EFNA5: variants seen among roughly 807,000 people sequenced by gnomAD.
EFNA5 encodes the protein ephrin A5.
A neutral mutation model predicts 22.9 loss-of-function variants in EFNA5; 5 were observed. The observed-to-expected ratio is 0.22, with a 90% confidence interval of 0.11 to 0.46. The LOEUF is 0.46. Among genes scored for constraint, EFNA5 ranks in the 20% least tolerant of loss-of-function variants. EFNA5 has a pLI of 0.99. For missense variants in EFNA5, 237 were observed against 293.3 expected, an observed-to-expected ratio of 0.81 and a Z score of 1.40; for synonymous variants, 113 against 112.2, an observed-to-expected ratio of 1.01 and a Z score of -0.04.
intron 1 of EFNA5, among the ~76,000 whole-genome samples, chr5:107,614,641 T>C (rs1749878315): frequency 6.6e-6 from 1 of 152,158 alleles, no homozygotes. Flanking sequence ...CCAAGACCAA[T>C]GGTTGTCTTA....
chr5:107,448,866 T>TAAAATAAAATA (rs1554059800), intron 1 of EFNA5, among the ~76,000 whole-genome samples: 33 of 141,376 alleles, frequency 2.3e-4, no homozygotes, highest in African/African-American at 5.1e-4. Context: ...AATAAATAAA[T>TAAAATAAAATA]AAATAAAATA....
chr5:107,547,700 A>AT (rs1022519386), intron 1 of EFNA5, among the ~76,000 whole-genome samples: 2 of 93,730 alleles, frequency 2.1e-5, no homozygotes, highest in Non-Finnish European at 4.3e-5. Context: ...ATTTTTAACC[A>AT]TAAAAAAAAA....
intron 1 of EFNA5, among the ~76,000 whole-genome samples, chr5:107,535,629 C>CT (rs1747915434): frequency 6.6e-6 from 1 of 152,084 alleles, no homozygotes; most frequent in African/African-American, 2.4e-5. Flanking sequence ...ATAGAGCCCT[C>CT]TAACTGCAGC....
chr5:107,555,226 G>C (rs1339803104), intron 1 of EFNA5, among the ~76,000 whole-genome samples: 2 of 152,182 alleles, frequency 1.3e-5, no homozygotes, highest in Non-Finnish European at 2.9e-5. Flanking sequence ...CAGATTACCT[G>C]ACAGGCAATT....
Position 107,433,156 on chromosome 5 carries a change from T to C in EFNA5, c.126-5647A>G, listed in dbSNP as rs1267339716. Among the ~76,000 whole-genome samples, 6 of 152,168 alleles carry C rather than the reference T, an allele frequency of 3.9e-5. No individual in the cohort carries two copies. The South Asian group carries it at 8.3e-4, about 21-fold the overall frequency. ...AGTTATACCTGGATTTTCAACTACA[T>C]GCAGGGCCAGTGACCTTAACCTCCC... On this transcript the variant is annotated intron_variant, in intron 1 of 4. Transcript: ENST00000333274.
intron 1 of EFNA5, among the ~76,000 whole-genome samples, chr5:107,540,133 C>G (rs951550277): frequency 6.6e-6 from 1 of 150,468 alleles, no homozygotes; most frequent in African/African-American, 2.5e-5. Context: ...AGGCTCTATC[C>G]TGGGGGTGAA....
At chr5:107,630,561 GA>G (rs1410158551) in intron 1 of EFNA5, among the ~76,000 whole-genome samples, 1 of 152,104 alleles carries the variant, frequency 6.6e-6, no homozygotes, top group Non-Finnish European at 1.5e-5. Context: ...TGTGGAACTG[GA>G]AGTTGCTCTC....
intron 1 of EFNA5, among the ~76,000 whole-genome samples, chr5:107,492,318 G>A (rs1444141693): frequency 2.0e-5 from 3 of 151,952 alleles, no homozygotes; most frequent in Non-Finnish European, 4.4e-5. Context: ...CTAAAACACT[G>A]CACCTGGACA....
At chr5:107,653,403 T>C (rs941394822) in intron 1 of EFNA5, among the ~76,000 whole-genome samples, 2 of 152,156 alleles carry the variant, frequency 1.3e-5, no homozygotes, top group South Asian at 2.1e-4. Flanking sequence ...CTGTGGGCCC[T>C]GTTAATTTCC....
chr5:107,637,420 C>G (rs1436070076), intron 1 of EFNA5, among the ~76,000 whole-genome samples: 1 of 151,838 alleles, frequency 6.6e-6, no homozygotes, highest in East Asian at 1.9e-4. Flanking sequence ...AGAATGCTAA[C>G]AGGAGATGAA....
intron 1 of EFNA5, among the ~76,000 whole-genome samples, chr5:107,577,088 C>T (rs1320276703): frequency 6.6e-5 from 10 of 152,166 alleles, no homozygotes; most frequent in African/African-American, 2.4e-4. Flanking sequence ...GTTTTTCGCC[C>T]TTGCCTTGCA....
intron 2 of EFNA5, among the ~76,000 whole-genome samples, chr5:107,398,437 A>G (rs1294612467): frequency 1.3e-5 from 2 of 152,044 alleles, no homozygotes; most frequent in Admixed American, 1.3e-4. Flanking sequence ...ATTCCCCCAA[A>G]GGCAGGAGCC....
chr5:107,591,998 TA>T lies in EFNA5; in HGVS notation c.125+78490del, dbSNP rs1427022982. ...TATAATATATAATATATAATATATATAATATATAATATATATAATATAATAT... is the reference window on the plus strand; with the variant it reads ...TATAATATATAATATATAATATATATATATATAATATATATAATATAATAT... On this transcript the variant is annotated intron_variant, in intron 1 of 4. Transcript: ENST00000333274. Among the ~76,000 whole-genome samples the T allele has an allele frequency of 9.5e-4, 41 of 43,290 alleles. 4 individuals are homozygous for T. Among genetic ancestry groups the T allele is most frequent in the Middle Eastern group, 0.017 (1 of 60 alleles). The allele number at this position is 43,290 out of a possible 152,430, so 28.4% of individuals were successfully genotyped here.
chr5:107,562,314 C>T (rs1423525748), intron 1 of EFNA5, among the ~76,000 whole-genome samples: 2 of 151,982 alleles, frequency 1.3e-5, no homozygotes, highest in African/African-American at 4.8e-5. Context: ...TATCATTCTA[C>T]CTAGCTCTTT....
chr5:107,590,603 G>A (rs1223788142), intron 1 of EFNA5, among the ~76,000 whole-genome samples: 1 of 151,776 alleles, frequency 6.6e-6, no homozygotes, highest in African/African-American at 2.4e-5. Context: ...GTGTTGCCCA[G>A]GATAGTCTTG....
chr5:107,536,347 T>G (rs1410055351), intron 1 of EFNA5, among the ~76,000 whole-genome samples: 1 of 152,230 alleles, frequency 6.6e-6, no homozygotes, highest in Non-Finnish European at 1.5e-5. Context: ...GCATCTGATA[T>G]TTTTTCTTTA....
intron 1 of EFNA5, among the ~76,000 whole-genome samples, chr5:107,485,458 T>C (rs554505079): frequency 3.6e-4 from 55 of 152,290 alleles, no homozygotes; most frequent in Admixed American, 8.5e-4. Flanking sequence ...CAAGTCCTAT[T>C]ACTACTGAAT....
intron 1 of EFNA5, among the ~76,000 whole-genome samples, chr5:107,472,202 C>G (rs1237966716): frequency 6.6e-6 from 1 of 152,124 alleles, no homozygotes; most frequent in African/African-American, 2.4e-5. Flanking sequence ...ATTTAACCTA[C>G]AGTAATTAGA....
chr5:107,525,655 A>G (rs979740315), intron 1 of EFNA5, among the ~76,000 whole-genome samples: 26 of 152,152 alleles, frequency 1.7e-4, no homozygotes, highest in Non-Finnish European at 1.3e-4. Flanking sequence ...CATTAAGTGG[A>G]AGTGGATTAT....
Sources: allele counts gnomAD v4.1 joint callset (sites outside exome capture counted in the v4.1 genomes callset), GRCh38; gene constraint gnomAD v4.1.1; transcripts MANE v1.5; gene names NCBI Gene and HGNC (gene_info 2026-07-23, HGNC 2026-07-21).